The following PCDHA3 variants were observed in gnomAD, a reference collection of about 807,000 sequenced individuals.
PCDHA3 encodes protocadherin alpha 3.
Under a neutral mutation model 62.2 loss-of-function variants are expected in PCDHA3, and 41 were observed. The ratio of observed to expected loss-of-function variants is 0.66; its 90% confidence interval spans 0.51 to 0.86. The LOEUF is 0.86. Among genes scored for constraint, PCDHA3 ranks in the 40% least tolerant of loss-of-function variants. The pLI is 0.00. For missense variants in PCDHA3, 1,304 were observed against 1,241.2 expected (o/e 1.05, Z -0.76); for synonymous variants, 640 against 555.4 (o/e 1.15, Z -2.14).
At chr5:140,857,330 G>A in intron 1 of PCDHA3, 1 of 1,598,660 alleles carries the variant, frequency 6.3e-7, no homozygotes, top group South Asian at 1.1e-5. Context: ...GACCGCGCGG[G>A]ACGGGGGCTC....
intron 1 of PCDHA3, among the ~76,000 whole-genome samples, chr5:140,887,248 C>T (rs1232310514): frequency 6.6e-6 from 1 of 152,046 alleles, no homozygotes; most frequent in Non-Finnish European, 1.5e-5. Flanking sequence ...CGGCGCCCGC[C>T]ACCACGCCCT....
At chr5:140,928,123 T>C in intron 1 of PCDHA3, 1 of 1,614,200 alleles carries the variant, frequency 6.2e-7, no homozygotes, top group Non-Finnish European at 8.5e-7. Context: ...GATCAGTGAA[T>C]ACCAAGTCCT....
intron 1 of PCDHA3, among the ~76,000 whole-genome samples, chr5:140,890,883 G>T (rs1339331273): frequency 1.3e-5 from 2 of 152,064 alleles, no homozygotes; most frequent in Non-Finnish European, 2.9e-5. Flanking sequence ...CCTTTCATCA[G>T]GGATTATTGT....
intron 1 of PCDHA3, among the ~76,000 whole-genome samples, chr5:140,922,031 G>T (rs933616833): frequency 6.6e-6 from 1 of 152,010 alleles, no homozygotes; most frequent in African/African-American, 2.4e-5. Context: ...TATAAAAAAT[G>T]TAATTTTCCC....
At chr5:140,877,721 A>G in intron 1 of PCDHA3, 1 of 1,614,000 alleles carries the variant, frequency 6.2e-7, no homozygotes, top group East Asian at 2.2e-5. Context: ...AGTTGGTCTT[A>G]CTCGCAGCAG....
At chr5:140,883,477 C>T (rs2059632046) in intron 1 of PCDHA3, 2 of 1,614,054 alleles carry the variant, frequency 1.2e-6, no homozygotes, top group Non-Finnish European at 1.7e-6. Flanking sequence ...CCTACAAGAA[C>T]TACTACTCAT....
chr5:140,990,686 G>A (rs1391341936), intron 3 of PCDHA3, among the ~76,000 whole-genome samples: 1 of 152,124 alleles, frequency 6.6e-6, no homozygotes, highest in Admixed American at 6.5e-5. Context: ...AGCTGCTTTC[G>A]GAGAGTCCAG....
At chr5:140,821,958 C>T (rs1322134244) in intron 1 of PCDHA3, 1 of 1,614,038 alleles carries the variant, frequency 6.2e-7, no homozygotes, top group Non-Finnish European at 8.5e-7. Context: ...TGGTGCCGCG[C>T]CTGTTCCGGG....
chr5:141,005,049 T>C (rs1248594838), intron 3 of PCDHA3, among the ~76,000 whole-genome samples: 6 of 152,264 alleles, frequency 3.9e-5, no homozygotes, highest in African/African-American at 1.4e-4. Context: ...TACCATTTAC[T>C]GAATTCTTGC....
intron 1 of PCDHA3, among the ~76,000 whole-genome samples, chr5:140,951,209 A>C (rs1302279809): frequency 6.6e-6 from 1 of 151,904 alleles, no homozygotes; most frequent in Non-Finnish European, 1.5e-5. Context: ...GTGTCATCTC[A>C]GGTTTGGATT....
intron 1 of PCDHA3, among the ~76,000 whole-genome samples, chr5:140,907,480 C>A (rs1300090409): frequency 6.6e-6 from 1 of 152,212 alleles, no homozygotes; most frequent in Admixed American, 6.5e-5. Flanking sequence ...GCAGGATAGG[C>A]AAACCCATAT....
intron 1 of PCDHA3, chr5:140,860,444 T>C (rs1311147382): frequency 6.6e-6 from 1 of 152,156 alleles, no homozygotes; most frequent in South Asian, 2.1e-4. Flanking sequence ...CTTTTTCATA[T>C]TAATTCACGT....
intron 1 of PCDHA3, chr5:140,823,391 C>G (rs2150125471): frequency 6.2e-7 from 1 of 1,612,850 alleles, no homozygotes; most frequent in East Asian, 2.2e-5. Context: ...GCGCGCGACG[C>G]GGGCGTGCCG....
chr5:140,842,069 A>C (rs2150328859), intron 1 of PCDHA3: 5 of 1,613,784 alleles, frequency 3.1e-6, no homozygotes, highest in Non-Finnish European at 4.2e-6. Flanking sequence ...ATACGAAGTA[A>C]GAATATTCGA....
rs1323301501 is a variant in PCDHA3, at chr5:140,843,782, T to C, written c.2394+40191T>C. 2.1e-6 allele frequency: 3 copies of C among 1,427,592 alleles called. No homozygotes were observed. In the African/African-American group the frequency reaches 4.2e-5, roughly 20 times the overall value. 88.4% of individuals were successfully genotyped at this position (1,427,592 alleles called of 1,614,324 possible). A position where few individuals can be genotyped will look rare whatever the true frequency, so the allele number is the denominator to read the frequency against. On this transcript the variant is annotated intron_variant, in intron 1 of 3. Coordinates refer to ENST00000522353, the MANE Select transcript of PCDHA3 (RefSeq NM_018906.3). ...GAAATTGTAGTTACTTTAAAAGTGT[T>C]TCAGATTTAGTTTTTCACCGTATTT...
chr5:140,819,829 G>T (rs1766633289), intron 1 of PCDHA3, among the ~76,000 whole-genome samples: 1 of 152,078 alleles, frequency 6.6e-6, no homozygotes, highest in Admixed American at 6.5e-5. Context: ...AACTGATATT[G>T]TTGATGACTT....
At chr5:140,833,100 T>C (rs1432109647) in intron 1 of PCDHA3, among the ~76,000 whole-genome samples, 1 of 152,166 alleles carries the variant, frequency 6.6e-6, no homozygotes, top group Non-Finnish European at 1.5e-5. Context: ...ACGAGTAATT[T>C]TGACACTCTT....
At chr5:140,988,085 G>T (rs1490034264) in intron 3 of PCDHA3, among the ~76,000 whole-genome samples, 1 of 152,176 alleles carries the variant, frequency 6.6e-6, no homozygotes, top group East Asian at 1.9e-4. Flanking sequence ...ATGAGTGAGT[G>T]CAGCCTCGGG....
Position 140,850,357 on chromosome 5 carries a change from C to T in PCDHA3, c.2394+46766C>T, listed in dbSNP as rs146638035. On this transcript the variant is annotated intron_variant, in intron 1 of 3. Coordinates refer to ENST00000522353, the MANE Select transcript of PCDHA3 (RefSeq NM_018906.3). ...CCAGAAACGGCCAGCGCGAGCATCC[C>T]GTTCCGCGTGGGGCTGTACACGGGC... 66 of 1,597,856 alleles carry T rather than the reference C, an allele frequency of 4.1e-5. 3 individuals carry two copies. The African/African-American group carries it at 6.2e-4, about 15-fold the overall frequency.
Sources: allele counts gnomAD v4.1 joint callset (sites outside exome capture counted in the v4.1 genomes callset), GRCh38; gene constraint gnomAD v4.1.1; transcripts MANE v1.5; gene names NCBI Gene and HGNC (gene_info 2026-07-23, HGNC 2026-07-21).